The following C12orf42 variants were observed in gnomAD, a reference collection of about 807,000 sequenced individuals.
The protein encoded by C12orf42 is uncharacterized protein C12orf42.
C12orf42 carries 25 observed loss-of-function variants against 21.6 expected under a neutral mutation model. The ratio of observed to expected loss-of-function variants is 1.16; its 90% CI spans 0.84 to 1.62. The LOEUF (loss-of-function observed/expected upper bound fraction) is 1.62, where lower values mean the gene tolerates loss of function less well. Ranked by LOEUF, C12orf42 falls within the 40% of genes most tolerant of loss-of-function variation. The pLI is 0.00. For synonymous variants in C12orf42, 174 were observed against 175.0 expected (o/e 0.99, Z 0.05); for missense variants, 483 against 459.3 (o/e 1.05, Z -0.47).
the C12orf42 span, among the ~76,000 whole-genome samples, chr12:103,169,232 C>G: frequency 6.6e-6 from 1 of 151,632 alleles, no homozygotes; most frequent in Admixed American, 6.6e-5. Context: ...CCAGCTTCTT[C>G]GTGCACTATG....
chr12:103,551,124 C>T, the C12orf42 span, among the ~76,000 whole-genome samples: 1 of 152,100 alleles, frequency 6.6e-6, no homozygotes, highest in Non-Finnish European at 1.5e-5. Flanking sequence ...AATAACTTCT[C>T]TTCTAAGTAT....
chr12:103,522,535 C>T, the C12orf42 span, among the ~76,000 whole-genome samples: 5 of 152,168 alleles, frequency 3.3e-5, no homozygotes, highest in African/African-American at 1.2e-4. Flanking sequence ...CATCCTGACA[C>T]ACGTGCAAAC....
intron 10 of C12orf42, among the ~76,000 whole-genome samples, chr12:103,244,870 A>G (rs974094418): frequency 2.6e-5 from 4 of 152,076 alleles, no homozygotes; most frequent in Non-Finnish European, 5.9e-5. Flanking sequence ...TAAATAACCA[A>G]AGATGATTCT....
At chr12:103,498,985 A>T (rs1275492818), upstream of C12orf42, among the ~76,000 whole-genome samples, 1 of 152,042 alleles carries the variant, frequency 6.6e-6, no homozygotes, top group East Asian at 1.9e-4. Context: ...ACATTTACCT[A>T]TGTAACAAAC....
At chr12:103,205,910 G>T in the C12orf42 span, among the ~76,000 whole-genome samples, 5 of 152,162 alleles carry the variant, frequency 3.3e-5, no homozygotes, top group African/African-American at 1.2e-4. Flanking sequence ...AAATTAAAAA[G>T]TATATAAAAG....
intron 4 of C12orf42, among the ~76,000 whole-genome samples, chr12:103,282,508 G>A (rs553865909): frequency 6.6e-6 from 1 of 152,264 alleles, no homozygotes; most frequent in African/African-American, 2.4e-5. Flanking sequence ...TTGTAAGCCA[G>A]GAGCAATAGG....
chr12:103,383,447 G>C (rs370988766), intron 3 of C12orf42, among the ~76,000 whole-genome samples: 2 of 152,076 alleles, frequency 1.3e-5, no homozygotes, highest in African/African-American at 4.8e-5. Context: ...TATTAAGAAT[G>C]CATTGAAACA....
the C12orf42 span, among the ~76,000 whole-genome samples, chr12:103,050,989 G>A: frequency 0.016 from 2,397 of 152,016 alleles, 23 homozygotes; most frequent in Middle Eastern, 0.034. Flanking sequence ...ATTCCTAAAC[G>A]GCCCATTTAC....
At chr12:103,499,728 A>G (rs1237596924), upstream of C12orf42, among the ~76,000 whole-genome samples, 1 of 152,234 alleles carries the variant, frequency 6.6e-6, no homozygotes, top group African/African-American at 2.4e-5. Flanking sequence ...CCCCCTGCCC[A>G]CAGTCTCACC....
rs766169499 is a variant in C12orf42, at chr12:103,401,631, C to T, written c.123G>A (p.Trp41Ter). Residue 41 changes from tryptophan (W) to a stop codon, truncating the protein, a stop_gained, in exon 3 of 6, where the codon TGG becomes TGA. Transcript: ENST00000548883. LOFTEE classifies it high-confidence loss of function. ...CCTTTGCACTGGGTGTGCTTCTATC[C>T]CACAGGGTGGCACTGCTCACAATGG... ...YIPIVSSATLWDRSTPSAKHI... is the reference protein window; with the variant it reads ...YIPIVSSATL 7 of 1,613,908 alleles carry T rather than the reference C, an allele frequency of 4.3e-6. No individual in the cohort carries two copies. In the Admixed American group the frequency reaches 1.0e-4, roughly 23 times the overall value.
chr12:103,241,405 A>T (rs750807837), intron 10 of C12orf42, among the ~76,000 whole-genome samples: 3 of 152,190 alleles, frequency 2.0e-5, no homozygotes, highest in Non-Finnish European at 4.4e-5. Context: ...CAGATCAAGT[A>T]ACCACGTCCG....
intron 2 of C12orf42, among the ~76,000 whole-genome samples, chr12:103,467,216 T>A (rs922553018): frequency 9.9e-5 from 15 of 152,230 alleles, no homozygotes; most frequent in African/African-American, 3.6e-4. Flanking sequence ...ATTTTATTTA[T>A]AAAATTAAGA....
At chr12:103,390,828 T>C (rs2047013438) in intron 3 of C12orf42, among the ~76,000 whole-genome samples, 1 of 152,226 alleles carries the variant, frequency 6.6e-6, no homozygotes, top group South Asian at 2.1e-4. Context: ...ATTTGTTCTA[T>C]GTAGGCTCAT....
At chr12:103,086,251 T>G in the C12orf42 span, among the ~76,000 whole-genome samples, 1 of 152,214 alleles carries the variant, frequency 6.6e-6, no homozygotes, top group South Asian at 2.1e-4. Flanking sequence ...GTTACTTTAC[T>G]TAATTAATCT....
intron 4 of C12orf42, among the ~76,000 whole-genome samples, chr12:103,323,236 C>G (rs1294368711): frequency 6.6e-6 from 1 of 152,140 alleles, no homozygotes; most frequent in African/African-American, 2.4e-5. Context: ...ACTCCTGAAG[C>G]GGATTTCTAC....
intron 10 of C12orf42, among the ~76,000 whole-genome samples, chr12:103,245,895 T>C (rs1025334193): frequency 2.6e-5 from 4 of 152,056 alleles, no homozygotes; most frequent in African/African-American, 9.7e-5. Context: ...AGTGTCTAGC[T>C]AGAGCAATAC....
chr12:103,414,671 G>A (rs972558502), intron 2 of C12orf42, among the ~76,000 whole-genome samples: 1 of 152,088 alleles, frequency 6.6e-6, no homozygotes, highest in South Asian at 2.1e-4. Flanking sequence ...AAGTAGGATT[G>A]TGTTCTTGAT....
At chr12:103,501,401 A>T in the C12orf42 span, among the ~76,000 whole-genome samples, 1 of 152,216 alleles carries the variant, frequency 6.6e-6, no homozygotes, top group Admixed American at 6.5e-5. Flanking sequence ...AGAGAGGATG[A>T]ACAGCCTCCA....
At chr12:103,322,253 G>T (rs2040253458) in intron 4 of C12orf42, among the ~76,000 whole-genome samples, 2 of 152,024 alleles carry the variant, frequency 1.3e-5, no homozygotes, top group Admixed American at 1.3e-4. Flanking sequence ...GCTGCAATGG[G>T]AAAATCACCC....
Sources: allele counts gnomAD v4.1 joint callset (sites outside exome capture counted in the v4.1 genomes callset), GRCh38; gene constraint gnomAD v4.1.1; transcripts MANE v1.5; gene names NCBI Gene and HGNC (gene_info 2026-07-23, HGNC 2026-07-21).